Variants in SSH1 observed in about 807,000 individuals in gnomAD.
The protein encoded by SSH1 is protein phosphatase Slingshot homolog 1.
In SSH1, 43 loss-of-function variants were observed where a neutral mutation model predicts 79.7. The ratio of observed to expected loss-of-function variants is 0.54; its 90% CI spans 0.42 to 0.70. The LOEUF (loss-of-function observed/expected upper bound fraction) is 0.70, where lower values mean the gene tolerates loss of function less well. SSH1 is among the 30% of genes least tolerant of loss of function. SSH1 has a pLI of 0.00. For missense variants in SSH1, 1,206 were observed against 1,358.8 expected, an observed-to-expected ratio of 0.89 and a Z score of 1.77; for synonymous variants, 599 against 538.3, an observed-to-expected ratio of 1.11 and a Z score of -1.56.
intron 2 of SSH1, among the ~76,000 whole-genome samples, chr12:108,852,029 A>G (rs1317055655): frequency 6.6e-6 from 1 of 152,144 alleles, no homozygotes; most frequent in African/African-American, 2.4e-5. Context: ...GCAACACAGC[A>G]AGACCTTGTC....
In SSH1 at chr12:108,809,725, G is replaced by A. The variant is rs768108960; in HGVS notation, c.504C>T (p.His168=). 8.1e-6 allele frequency: 13 copies of A among 1,613,954 alleles called. No homozygotes were observed. Among genetic ancestry groups the A allele is most frequent in the Non-Finnish European group, 1.0e-5 (12 of 1,179,938 alleles). Residue 168 remains histidine (H), a synonymous_variant, in exon 7 of 15, where the codon CAC becomes CAT. Transcript: ENST00000326495. ...CCTGGACAGACACAGGCTTAAATAT[G>A]TGCATCCTTCCTGCTGTGCTCACGC... ...GFSVSTAGRM[H]IFKPVSVQAM...
In SSH1 at chr12:108,783,767, A is replaced by C. The variant is rs2036194474; in HGVS notation, c.*4221T>G. The C allele has an allele frequency of 6.6e-6, 1 of 152,250 alleles. No individual in the cohort carries two copies. Among genetic ancestry groups the C allele is most frequent in the African/African-American group, 2.4e-5 (1 of 41,452 alleles). 9.4% of individuals were successfully genotyped at this position (152,250 alleles called of 1,614,324 possible). On this transcript the variant is annotated 3_prime_UTR_variant, in exon 15 of 15. Coordinates refer to ENST00000326495, the MANE Select transcript of SSH1 (RefSeq NM_018984.4). ...AATATACAGATGCAGAGTGAACTCA[A>C]ACACACAGGCATTCCACTGCAGAGC...
intron 5 of SSH1, among the ~76,000 whole-genome samples, chr12:108,812,505 GGGCCAAGGCCA>G (rs964237997): frequency 3.3e-4 from 50 of 152,380 alleles, no homozygotes; most frequent in African/African-American, 1.1e-3. Context: ...GACGGGGGCA[GGGCCAAGGCCA>G]GGCCTAGGCC....
At chr12:108,795,317 G>A (rs2036702040) in intron 13 of SSH1, among the ~76,000 whole-genome samples, 1 of 152,010 alleles carries the variant, frequency 6.6e-6, no homozygotes, top group Non-Finnish European at 1.5e-5. Context: ...GGGTGCAGTG[G>A]TATGATCTCG....
intron 7 of SSH1, 147 bp downstream of exon 7, chr12:108,809,546 A>C: frequency 1.3e-6 from 1 of 747,658 alleles, no homozygotes; most frequent in South Asian, 1.5e-5. Context: ...ATATGGTGAA[A>C]ATGATAAACT....
chr12:108,840,033 C>A (rs759761362), intron 2 of SSH1, among the ~76,000 whole-genome samples: 1 of 152,312 alleles, frequency 6.6e-6, no homozygotes, highest in East Asian at 1.9e-4. Context: ...CCAGAAGCCC[C>A]GCTCTGACCA....
At chr12:108,806,437 G>T in intron 8 of SSH1, 43 bp from the exon 9 acceptor site, 1 of 1,585,690 alleles carries the variant, frequency 6.3e-7, no homozygotes, top group South Asian at 1.1e-5. Context: ...GCTGTAGAAA[G>T]CTTGTGGTCG....
chr12:108,835,592 C>T (rs2038582986), intron 2 of SSH1, among the ~76,000 whole-genome samples: 1 of 152,000 alleles, frequency 6.6e-6, no homozygotes, highest in South Asian at 2.1e-4. Context: ...TGAACTGATA[C>T]CTCTGGAAAA....
Position 108,799,057 on chromosome 12 carries a change from C to T in SSH1, c.1292G>A (p.Arg431His), listed in dbSNP as rs201900890. The change falls in exon 13 of 15, where the codon CGC becomes CAC. Residue 431 changes from arginine (R) to histidine (H), a missense_variant. By Grantham distance (29) the Arg-to-His change is conservative. This residue lies in a region of SSH1 where 166 missense variants were observed against 262.9 expected (regional missense o/e 0.63). Coordinates refer to ENST00000326495, the MANE Select transcript of SSH1 (RefSeq NM_018984.4). ...CTGCCTCATAAAGCCCGCGTTGGGG[C>T]GCGTGATGCTGCGCTTCTGCTTTAC... The part of the protein sequence containing the change: ...NYVKQKRSIT[R>H]PNAGFMRQLS... The T allele has an allele frequency of 1.1e-5, 17 of 1,614,094 alleles. No homozygotes were observed. The highest frequency in any genetic ancestry group is 2.7e-5 in the African/African-American group (2 of 75,066).
intron 2 of SSH1, among the ~76,000 whole-genome samples, chr12:108,851,160 G>T (rs1198531009): frequency 6.6e-6 from 1 of 152,166 alleles, no homozygotes; most frequent in African/African-American, 2.4e-5. Context: ...GGACCCAGCA[G>T]AAGTCCCCCA....
chr12:108,806,956 T>C (rs2037309666), intron 8 of SSH1, among the ~76,000 whole-genome samples: 1 of 152,236 alleles, frequency 6.6e-6, no homozygotes, highest in Non-Finnish European at 1.5e-5. Flanking sequence ...TGGCTTCCCA[T>C]CCCTCAGGTC....
rs1248873155 is a variant in SSH1, at chr12:108,787,523, GTTTTAAAAA to G, written c.*456_*464del. On this transcript the variant is annotated 3_prime_UTR_variant, in exon 15 of 15. Transcript: ENST00000326495. The stretch of plus-strand genomic sequence containing the variant: ...TGGAACAAGCCTTGGTCATTCGTGT[GTTTTAAAAA>G]TAAAAAGCGCAGCGAGAACAGAGGT... 1 of 172,796 alleles carries G rather than the reference GTTTTAAAAA, an allele frequency of 5.8e-6. No homozygotes were observed. The highest frequency in any genetic ancestry group is 1.3e-5 in the Non-Finnish European group (1 of 79,442). 10.7% of individuals were successfully genotyped at this position (172,796 alleles called of 1,614,324 possible). A position where few individuals can be genotyped will look rare whatever the true frequency, so the allele number is the denominator to read the frequency against.
At chr12:108,852,940 T>C (rs1393662633) in intron 1 of SSH1, 2 of 985,306 alleles carry the variant, frequency 2.0e-6, no homozygotes, top group African/African-American at 1.7e-5. Flanking sequence ...GCTCAACATT[T>C]CCTATCTGGT....
intron 2 of SSH1, among the ~76,000 whole-genome samples, chr12:108,838,716 T>C (rs539240980): frequency 6.6e-5 from 10 of 152,354 alleles, no homozygotes; most frequent in Middle Eastern, 3.4e-3. Flanking sequence ...TGCTTGTCCA[T>C]CCATTATGCT....
chr12:108,788,059 C>T lies in SSH1; in HGVS notation c.3079G>A (p.Ala1027Thr). 1 of 1,614,090 alleles carries T rather than the reference C, an allele frequency of 6.2e-7. No homozygotes were observed. The highest frequency in any genetic ancestry group is 8.5e-7 in the Non-Finnish European group (1 of 1,180,028). Residue 1027 changes from alanine (A) to threonine (T), a missense_variant, in exon 15 of 15, where the codon GCA becomes ACA. Transcript: ENST00000326495. The part of the protein sequence containing the change: ...EPQGTPRDPA[A>T]TSKPSGKPAP... ...GGTTTCCCTGATGGTTTGGAGGTTG[C>T]AGCTGGGTCCCTCGGGGTTCCCTGG...
At chr12:108,792,055 C>T in intron 14 of SSH1, 1 of 1,441,362 alleles carries the variant, frequency 6.9e-7, no homozygotes, top group Non-Finnish European at 9.1e-7. Context: ...CCAACAGATT[C>T]TCAATTTGCT....
intron 3 of SSH1, among the ~76,000 whole-genome samples, chr12:108,819,024 G>C (rs895716691): frequency 3.9e-5 from 6 of 152,212 alleles, no homozygotes; most frequent in Admixed American, 1.3e-4. Flanking sequence ...AAAGTGCTGG[G>C]ATTACAGGCA....
chr12:108,794,631 C>A (rs1227588964), intron 13 of SSH1, among the ~76,000 whole-genome samples: 1 of 152,112 alleles, frequency 6.6e-6, no homozygotes, highest in Non-Finnish European at 1.5e-5. Context: ...AATCTTGGGA[C>A]CCCAAACTCA....
In SSH1 at chr12:108,807,841, A is replaced by C. The variant is rs1158434609; in HGVS notation, c.537-14T>G. On this transcript the variant is annotated splice_polypyrimidine_tract_variant and intron_variant, in intron 7 of 14. Transcript: ENST00000326495. This position sits in a 1 kb window ranked among gnomAD's most constrained non-coding sequence, Gnocchi z 5.2. Reference sequence around the variant, plus strand: ...TGCAGGGCAGACCTGGGGCGAGGAGAAGACAGGGTCAGGCCTGGGAAGGCA... The same window carrying C: ...TGCAGGGCAGACCTGGGGCGAGGAGCAGACAGGGTCAGGCCTGGGAAGGCA... 6.2e-7 allele frequency: 1 copy of C among 1,613,230 alleles called. No individual in the cohort carries two copies. The highest frequency in any genetic ancestry group is 2.2e-5 in the East Asian group (1 of 44,876).
Sources: allele counts gnomAD v4.1 joint callset (sites outside exome capture counted in the v4.1 genomes callset), GRCh38; gene constraint gnomAD v4.1.1; regional missense constraint gnomAD v4.1.1; non-coding constraint Gnocchi (gnomAD v3.1); transcripts MANE v1.5; gene names NCBI Gene and HGNC (gene_info 2026-07-23, HGNC 2026-07-21).